The following ATG2B variants were observed in gnomAD, a reference collection of about 807,000 sequenced individuals.
ATG2B encodes autophagy-related protein 2 homolog B.
Under a neutral mutation model 241.3 loss-of-function variants are expected in ATG2B, and 121 were observed. That is an observed-to-expected ratio of 0.50 (90% CI 0.43 to 0.58). The LOEUF (loss-of-function observed/expected upper bound fraction) is 0.58. ATG2B is among the 20% of genes least tolerant of loss of function. ATG2B has a pLI of 0.00. For missense variants in ATG2B, 2,306 were observed against 2,491.6 expected (o/e 0.93, Z 1.59); for synonymous variants, 858 against 876.6 (o/e 0.98, Z 0.37).
intron 21 of ATG2B, 118 bp from the exon 22 acceptor site, chr14:96,315,701 C>CA: frequency 1.4e-6 from 1 of 734,692 alleles, no homozygotes; most frequent in Admixed American, 2.7e-5. Context: ...CTTAAGGAGG[C>CA]ATGATGACAA....
At chr14:96,313,205 A>G in intron 24 of ATG2B, 48 bp from the exon 25 acceptor site, 1 of 1,444,406 alleles carries the variant, frequency 6.9e-7, no homozygotes, top group Non-Finnish European at 9.7e-7. Context: ...ACGGCTCCAG[A>G]AACTCTATTA....
chr14:96,357,067 C>T (rs766145138), intron 1 of ATG2B, among the ~76,000 whole-genome samples: 10 of 152,128 alleles, frequency 6.6e-5, no homozygotes, highest in Non-Finnish European at 1.3e-4. Flanking sequence ...AAACTACAAG[C>T]GACCTTCTAA....
At chr14:96,325,628 T>A in intron 15 of ATG2B, 21 bp downstream of exon 15, 1 of 1,595,232 alleles carries the variant, frequency 6.3e-7, no homozygotes, top group Non-Finnish European at 8.5e-7. Flanking sequence ...ATGGTTCTTT[T>A]ACAGGCACAT....
Position 96,317,149 on chromosome 14 carries a change from A to G in ATG2B, c.3206T>C (p.Val1069Ala). 6.2e-7 allele frequency: 1 copy of G among 1,602,720 alleles called. No homozygotes were observed. The highest frequency in any genetic ancestry group is 8.5e-7 in the Non-Finnish European group (1 of 1,174,602). ...NHGLIAVFTDVKQDNGDLLEN... is the reference protein window; with the variant it reads ...NHGLIAVFTDAKQDNGDLLEN... ...CTTCGGATTTGTAAACCTCACCTTCACATCTGTGAACACTGCTATTAATCC... is the reference window on the plus strand; with the variant it reads ...CTTCGGATTTGTAAACCTCACCTTCGCATCTGTGAACACTGCTATTAATCC... The change falls in exon 20 of 42, where the codon GTG (valine) becomes GCG (alanine). Residue 1069 changes from valine (V) to alanine (A), a missense_variant. This residue lies in a region of ATG2B where 1,927 missense variants were observed against 2,011.2 expected (regional missense o/e 0.96). Transcript: ENST00000359933.
In ATG2B at chr14:96,284,535, T is replaced by C. The variant is rs1390763571; in HGVS notation, c.*1220A>G. On this transcript the variant is annotated 3_prime_UTR_variant, in exon 42 of 42. Transcript: ENST00000359933. ...GTCATGCAACTTTCAACAGTGGATA[T>C]ATACAAAGTTCCACCTTTTCTTTCT... 1.3e-5 allele frequency: 2 copies of C among 152,202 alleles called. No individual in the cohort carries two copies. Among genetic ancestry groups the C allele is most frequent in the African/African-American group, 4.8e-5 (2 of 41,450 alleles). 9.4% of individuals were successfully genotyped at this position (152,202 alleles called of 1,614,324 possible).
chr14:96,286,058 C>G (rs774391731), intron 41 of ATG2B, 73 bp from the exon 42 acceptor site: 82 of 1,144,058 alleles, frequency 7.2e-5, no homozygotes, highest in Non-Finnish European at 1.0e-4. Flanking sequence ...CTAAGCTATC[C>G]TGCAGTACAC....
Position 96,315,593 on chromosome 14 carries a change from C to G in ATG2B, c.3362-10G>C. On this transcript the variant is annotated splice_polypyrimidine_tract_variant and intron_variant, in intron 21 of 41. Coordinates refer to ENST00000359933, the MANE Select transcript of ATG2B (RefSeq NM_018036.7). ...ACTCCATTCACTATGCCTAGAGATC[C>G]ACATTGAGGTAAAAATAGTAACAAA... The G allele has an allele frequency of 2.5e-6, 4 of 1,601,520 alleles. No homozygotes were observed. Among genetic ancestry groups the G allele is most frequent in the Non-Finnish European group, 3.4e-6 (4 of 1,170,706 alleles).
rs544118554 is a variant in ATG2B at position 96,284,809 on chromosome 14, A to C, written c.*946T>G. 3 of 152,374 alleles carry C rather than the reference A, an allele frequency of 2.0e-5. No individual in the cohort carries two copies. The highest frequency in any genetic ancestry group is 7.2e-5 in the African/African-American group (3 of 41,594). The allele number at this position is 152,374 out of a possible 1,614,324, so 9.4% of individuals were successfully genotyped here. A position where few individuals can be genotyped will look rare whatever the true frequency, so the allele number is the denominator to read the frequency against. On this transcript the variant is annotated 3_prime_UTR_variant, in exon 42 of 42. Transcript: ENST00000359933. Reference sequence around the variant, plus strand: ...GTTATCAAAATGTACACTGTTAACCAAGTAAAAATGGTATGCTGAAATAGT... The same window carrying C: ...GTTATCAAAATGTACACTGTTAACCCAGTAAAAATGGTATGCTGAAATAGT...
intron 2 of ATG2B, among the ~76,000 whole-genome samples, chr14:96,346,577 T>C (rs1037847493): frequency 6.6e-6 from 1 of 152,204 alleles, no homozygotes; most frequent in Non-Finnish European, 1.5e-5. Flanking sequence ...TATAATTCTG[T>C]CATTGCATAC....
intron 37 of ATG2B, 120 bp downstream of exon 37, chr14:96,291,909 A>ATTTTTTT (rs1886495821): frequency 1.4e-6 from 1 of 729,268 alleles, no homozygotes; most frequent in African/African-American, 1.8e-5. Context: ...AAATTTAAAA[A>ATTTTTTT]CCTTGCACTT....
intron 16 of ATG2B, among the ~76,000 whole-genome samples, chr14:96,323,197 A>G (rs560934591): frequency 3.3e-5 from 5 of 152,214 alleles, no homozygotes; most frequent in African/African-American, 1.2e-4. Context: ...CTCTAACAAC[A>G]AAGTTATGTT....
intron 9 of ATG2B, 31 bp downstream of exon 9, chr14:96,332,470 A>G (rs781335221): frequency 1.9e-6 from 3 of 1,611,486 alleles, no homozygotes; most frequent in Non-Finnish European, 2.5e-6. Context: ...GCAACTTTTC[A>G]GTCTAGAAGA....
chr14:96,350,524 C>G (rs1888286817), intron 1 of ATG2B, among the ~76,000 whole-genome samples: 2 of 152,148 alleles, frequency 1.3e-5, no homozygotes, highest in Non-Finnish European at 2.9e-5. Context: ...CATGGTGGAG[C>G]AAACCAGACT....
intron 32 of ATG2B, 30 bp from the exon 33 acceptor site, chr14:96,303,285 C>A: frequency 7.1e-7 from 1 of 1,407,406 alleles, no homozygotes; most frequent in Non-Finnish European, 9.4e-7. Context: ...GAACGCGGAA[C>A]AGTTCTTTAC....
intron 34 of ATG2B, among the ~76,000 whole-genome samples, chr14:96,297,644 G>A (rs996249986): frequency 2.0e-5 from 3 of 152,040 alleles, no homozygotes; most frequent in African/African-American, 7.2e-5. Flanking sequence ...TGATCCACCC[G>A]CCTCGGCCTC....
chr14:96,334,340 A>G lies in ATG2B; in HGVS notation c.1021+65T>C, dbSNP rs910257386. The stretch of plus-strand genomic sequence containing the variant: ...ACTTTCCTACATGTACATACATTAC[A>G]TATTTTAAAGTTTTTTAAAATTTAA... On this transcript the variant is annotated intron_variant, in intron 7 of 41. Coordinates refer to ENST00000359933, the MANE Select transcript of ATG2B (RefSeq NM_018036.7). The G allele has an allele frequency of 3.0e-5, 29 of 978,130 alleles. No homozygotes were observed. In the African/African-American group the frequency reaches 4.9e-4, roughly 16 times the overall value. 60.6% of individuals were successfully genotyped at this position (978,130 alleles called of 1,614,324 possible).
At chr14:96,287,271 AAAC>A (rs1369413859) in intron 41 of ATG2B, among the ~76,000 whole-genome samples, 4 of 151,530 alleles carry the variant, frequency 2.6e-5, no homozygotes, top group African/African-American at 7.3e-5. Flanking sequence ...AAAAAAAAAA[AAAC>A]GTGTCCAGAA....
intron 32 of ATG2B, 114 bp from the exon 33 acceptor site, chr14:96,303,369 G>A (rs891597232): frequency 1.2e-6 from 1 of 817,318 alleles, no homozygotes. Flanking sequence ...TTCTACCTCA[G>A]CTTACAATTC....
At chr14:96,286,585 T>C (rs1886341062) in intron 41 of ATG2B, among the ~76,000 whole-genome samples, 1 of 152,162 alleles carries the variant, frequency 6.6e-6, no homozygotes, top group African/African-American at 2.4e-5. Context: ...CATAATAAAA[T>C]AATGATGATT....
Sources: gnomAD v4.1 joint callset for allele counts (sites outside exome capture counted in the v4.1 genomes callset) on GRCh38, gnomAD v4.1.1 for gene constraint, gnomAD v4.1.1 regional missense constraint, MANE v1.5 for transcripts, NCBI Gene and HGNC (gene_info 2026-07-23, HGNC 2026-07-21) for gene names.